Variants in AFG3L2 observed in about 807,000 individuals in gnomAD.
AFG3L2 encodes mitochondrial inner membrane m-AAA protease component AFG3L2.
AFG3L2 carries 54 observed loss-of-function variants against 94.5 expected under a neutral mutation model. The observed-to-expected ratio is 0.57, with a 90% CI of 0.46 to 0.72. AFG3L2 has a LOEUF of 0.72. Ranked by LOEUF, AFG3L2 falls within the 30% of genes least tolerant of loss-of-function variation. The pLI is 0.00. For synonymous variants in AFG3L2, 377 were observed against 365.5 expected (o/e 1.03, Z -0.36); for missense variants, 754 against 994.9 (o/e 0.76, Z 3.26).
chr18:12,350,200 AG>A (rs1908268992), intron 12 of AFG3L2, among the ~76,000 whole-genome samples: 1 of 150,760 alleles, frequency 6.6e-6, no homozygotes, highest in Non-Finnish European at 1.5e-5. Context: ...TAGTAGAGAC[AG>A]GGTTTTGCCA....
chr18:12,330,676 G>A (rs945422763), intron 16 of AFG3L2, among the ~76,000 whole-genome samples: 1 of 151,984 alleles, frequency 6.6e-6, no homozygotes, highest in Non-Finnish European at 1.5e-5. Flanking sequence ...TACTCAGGAG[G>A]CCGAGGCAGG....
Position 12,329,598 on chromosome 18 carries a change from T to C in AFG3L2, c.2361A>G (p.Lys787=). 2.5e-6 allele frequency: 4 copies of C among 1,614,176 alleles called. No homozygotes were observed. Among genetic ancestry groups the C allele is most frequent in the Non-Finnish European group, 3.4e-6 (4 of 1,180,034 alleles). Residue 787 remains lysine (K), a synonymous_variant, in exon 17 of 17, where the codon AAA becomes AAG. Transcript: ENST00000269143. Reference sequence around the variant, plus strand: ...CAACTTTCTCACCCGGGGGCTCCTCTTTCTCCTTTTCCCGCTCCTTGTTCC... The same window carrying C: ...CAACTTTCTCACCCGGGGGCTCCTCCTTCTCCTTTTCCCGCTCCTTGTTCC... ...KDWNKEREKE[K]EEPPGEKVAN is the part of the protein sequence containing the mutation.
Position 12,377,041 on chromosome 18 carries a change from G to C in AFG3L2, c.42C>G (p.Cys14Trp). 9 of 1,438,488 alleles carry C rather than the reference G, an allele frequency of 6.3e-6. No individual in the cohort carries two copies. Among genetic ancestry groups the C allele is most frequent in the Non-Finnish European group, 8.2e-6 (9 of 1,097,774 alleles). The allele number at this position is 1,438,488 out of a possible 1,614,324, so 89.1% of individuals were successfully genotyped here. Residue 14 changes from cysteine to tryptophan, a missense_variant, in exon 1 of 17, where the codon TGC becomes TGG. Around this residue, in one of 4 missense-constraint regions of AFG3L2, gnomAD observed 236 missense variants for 214.0 expected, o/e 1.10. Coordinates refer to ENST00000269143, the MANE Select transcript of AFG3L2 (RefSeq NM_006796.3). ...GGAGCTGCTGTAGGCCGCGGGGCCA[G>C]CAGCCGCCCCGGCCCCACAGCCGCA... ...RCLRLWGRGGCWPRGLQQLLV... is the reference protein window; with the variant it reads ...RCLRLWGRGGWWPRGLQQLLV...
intron 15 of AFG3L2, among the ~76,000 whole-genome samples, chr18:12,339,955 G>A (rs1907892980): frequency 6.6e-6 from 1 of 152,122 alleles, no homozygotes; most frequent in Admixed American, 6.5e-5. Context: ...AGGAGGCAGA[G>A]GTTGCAGTGA....
At chr18:12,357,347 GT>G (rs1391637980) in intron 8 of AFG3L2, among the ~76,000 whole-genome samples, 7 of 152,208 alleles carry the variant, frequency 4.6e-5, no homozygotes, top group Non-Finnish European at 8.8e-5. Flanking sequence ...CTGTGAATTT[GT>G]TTTTATTTCC....
intron 10 of AFG3L2, among the ~76,000 whole-genome samples, chr18:12,352,343 G>A (rs1327010765): frequency 6.6e-6 from 1 of 150,926 alleles, no homozygotes; most frequent in Non-Finnish European, 1.5e-5. Flanking sequence ...CATCATTGAA[G>A]CCAGTTCAGT....
intron 10 of AFG3L2, among the ~76,000 whole-genome samples, 168 bp downstream of exon 10, chr18:12,352,837 A>G (rs984732050): frequency 6.6e-6 from 1 of 152,040 alleles, no homozygotes; most frequent in African/African-American, 2.4e-5. Flanking sequence ...TAAAAAGTGC[A>G]GCTTAAACTC....
Position 12,340,294 on chromosome 18 carries a change from T to C in AFG3L2, c.1887A>G (p.Leu629=). Reference sequence around the variant, plus strand: ...AGATTTCTTCAGAGACTCGACCACCTAAAGTCATACACATCCTATCCAAGA... The same window carrying C: ...AGATTTCTTCAGAGACTCGACCACCCAAAGTCATACACATCCTATCCAAGA... ...EQLLDRMCMT[L]GGRVSEEIFF... is the part of the protein sequence containing the mutation. Residue 629 remains leucine (L), a synonymous_variant, in exon 15 of 17, where the codon TTA becomes TTG. Transcript: ENST00000269143. 6.2e-7 allele frequency: 1 copy of C among 1,614,164 alleles called. No individual in the cohort carries two copies. The highest frequency in any genetic ancestry group is 1.1e-5 in the South Asian group (1 of 91,088).
In AFG3L2 at chr18:12,372,123, G is replaced by T. The variant is rs896633863; in HGVS notation, c.115-432C>A. Among the ~76,000 whole-genome samples, 4 of 152,042 alleles carry T rather than the reference G, an allele frequency of 2.6e-5. No individual in the cohort carries two copies. The East Asian group carries it at 7.7e-4, about 29-fold the overall frequency. On this transcript the variant is annotated intron_variant, in intron 1 of 16. Coordinates refer to ENST00000269143, the MANE Select transcript of AFG3L2 (RefSeq NM_006796.3). The stretch of plus-strand genomic sequence containing the variant: ...GTTCAAGACCAGCCTGGCCAAGATG[G>T]TGAAACCCCGTCTCTACTAAAAATA...
Position 12,360,061 on chromosome 18 carries a change from C to T in AFG3L2, c.628-10G>A, listed in dbSNP as rs1186596334. 6.2e-7 allele frequency: 1 copy of T among 1,612,232 alleles called. No homozygotes were observed. The highest frequency in any genetic ancestry group is 8.5e-7 in the Non-Finnish European group (1 of 1,178,978). ...TAAACCAAACGTATTGCTATAAAAA[C>T]AAAAAAACAAATATCCTAAGAATGT... On this transcript the variant is annotated splice_polypyrimidine_tract_variant and intron_variant, in intron 6 of 16. Coordinates refer to ENST00000269143, the MANE Select transcript of AFG3L2 (RefSeq NM_006796.3).
intron 14 of AFG3L2, 83 bp downstream of exon 14, chr18:12,344,049 G>A (rs1245918518): frequency 1.7e-6 from 2 of 1,207,312 alleles, no homozygotes; most frequent in Non-Finnish European, 2.5e-6. Context: ...TCCTTTGCAG[G>A]AGTGTAGCTT....
intron 16 of AFG3L2, 81 bp downstream of exon 16, chr18:12,337,260 C>T: frequency 4.6e-6 from 6 of 1,308,652 alleles, no homozygotes; most frequent in Non-Finnish European, 5.5e-6. Context: ...GCAGTCTACA[C>T]ACCAACCAAA....
chr18:12,343,813 G>A (rs1357931841), intron 14 of AFG3L2: 5 of 430,402 alleles, frequency 1.2e-5, no homozygotes, highest in Non-Finnish European at 2.2e-5. Context: ...CTGTAGTGTG[G>A]AGATTATGAA....
chr18:12,346,453 C>T (rs1015996614), intron 13 of AFG3L2, among the ~76,000 whole-genome samples: 16 of 152,170 alleles, frequency 1.1e-4, no homozygotes, highest in African/African-American at 3.9e-4. Context: ...CACACTCCTG[C>T]GGTCTCTCAG....
chr18:12,340,345 T>A lies in AFG3L2; in HGVS notation c.1836A>T (p.Glu612Asp), dbSNP rs1466468513. The A allele has an allele frequency of 6.2e-7, 1 of 1,614,194 alleles. No homozygotes were observed. The highest frequency in any genetic ancestry group is 8.5e-7 in the Non-Finnish European group (1 of 1,180,018). Reference sequence around the variant, plus strand: ...GCTGCTCTTTGGTATAGAGGTATTGTTCTTTTGGTAAATACTGAGCATAAC... The same window carrying A: ...GCTGCTCTTTGGTATAGAGGTATTGATCTTTTGGTAAATACTGAGCATAAC... ...GLGYAQYLPK[E>D]QYLYTKEQLL... Residue 612 changes from glutamate to aspartate, a missense_variant, in exon 15 of 17, where the codon GAA becomes GAT. Transcript: ENST00000269143.
chr18:12,377,149 T>C lies in AFG3L2; in HGVS notation c.-67A>G. 8.2e-7 allele frequency: 1 copy of C among 1,222,626 alleles called. No homozygotes were observed. The highest frequency in any genetic ancestry group is 1.1e-6 in the Non-Finnish European group (1 of 921,242). The allele number at this position is 1,222,626 out of a possible 1,614,324, so 75.7% of individuals were successfully genotyped here. ...CGCGGGCAGGCGACGACTGGCGGCC[T>C]CGGGAAGCGGGCTCGGCTCGGGGAA... On this transcript the variant is annotated 5_prime_UTR_variant, in exon 1 of 17. Coordinates refer to ENST00000269143, the MANE Select transcript of AFG3L2 (RefSeq NM_006796.3).
intron 1 of AFG3L2, among the ~76,000 whole-genome samples, chr18:12,373,545 C>T (rs1167998307): frequency 6.6e-6 from 1 of 152,130 alleles, no homozygotes; most frequent in African/African-American, 2.4e-5. Context: ...TATATTGCCA[C>T]GTCTTAGTCT....
intron 16 of AFG3L2, among the ~76,000 whole-genome samples, chr18:12,332,186 C>T (rs952188963): frequency 6.8e-6 from 1 of 146,800 alleles, no homozygotes; most frequent in African/African-American, 2.5e-5. Flanking sequence ...TACAATGGCG[C>T]GATGTTGGCT....
chr18:12,351,063 G>A, intron 12 of AFG3L2, 22 bp downstream of exon 12: 1 of 1,612,090 alleles, frequency 6.2e-7, no homozygotes, highest in Non-Finnish European at 8.5e-7. Context: ...TCTAAATAGG[G>A]TCCTCGTTAT....
Sources: gnomAD v4.1 joint callset for allele counts (sites outside exome capture counted in the v4.1 genomes callset) on GRCh38, gnomAD v4.1.1 for gene constraint, gnomAD v4.1.1 regional missense constraint, MANE v1.5 for transcripts, NCBI Gene and HGNC (gene_info 2026-07-23, HGNC 2026-07-21) for gene names.